ADGRL3: variants seen among roughly 807,000 people sequenced by gnomAD.
ADGRL3 encodes the protein adhesion G protein-coupled receptor L3, also known as calcium-independent alpha-latrotoxin receptor 3.
A neutral mutation model predicts 153.5 loss-of-function variants in ADGRL3; 62 were observed. The observed-to-expected ratio is 0.40, with a 90% confidence interval of 0.33 to 0.50. ADGRL3 has a LOEUF of 0.50. Among genes scored for constraint, ADGRL3 ranks in the 20% least tolerant of loss-of-function variants. The pLI, the probability that ADGRL3 is intolerant of heterozygous loss-of-function variation, is 0.47. For missense variants in ADGRL3, 1,641 were observed against 1,859.4 expected, an observed-to-expected ratio of 0.88 and a Z score of 2.16; for synonymous variants, 710 against 672.5, an observed-to-expected ratio of 1.06 and a Z score of -0.86.
intron 9 of ADGRL3, among the ~76,000 whole-genome samples, chr4:61,825,458 A>G (rs1488658167): frequency 1.3e-5 from 2 of 152,208 alleles, no homozygotes; most frequent in African/African-American, 2.4e-5. Context: ...AGATCAAATA[A>G]AAAAGTTCTC....
At position 61,388,482 on chromosome 4, in the gene ADGRL3, G is replaced by T. The variant is rs1240640912; in HGVS notation, c.-174+5293G>T. On this transcript the variant is annotated intron_variant, in intron 2 of 26. Transcript: ENST00000683033. ...GTAACATCATTCTCACAGAAGTTTGGGTTAATGGCTCCATTCTTACAGTTC... is the reference window on the plus strand; with the variant it reads ...GTAACATCATTCTCACAGAAGTTTGTGTTAATGGCTCCATTCTTACAGTTC... Among the ~76,000 whole-genome samples, 3 of 152,248 alleles carry T rather than the reference G, an allele frequency of 2.0e-5. No individual in the cohort carries two copies. The East Asian group carries it at 5.8e-4, about 29-fold the overall frequency.
chr4:61,216,727 C>A (rs1417516432), intron 1 of ADGRL3, among the ~76,000 whole-genome samples: 2 of 152,030 alleles, frequency 1.3e-5, no homozygotes, highest in South Asian at 2.1e-4. Flanking sequence ...GCAAAGGAGT[C>A]GTAAAAGCAT....
In ADGRL3 at chr4:61,775,735, G is replaced by A. The variant is rs2097140242; in HGVS notation, c.1400-38074G>A. The A allele has an allele frequency of 5.0e-6, 5 of 1,000,416 alleles. No individual in the cohort carries two copies. In the Admixed American group the frequency reaches 6.8e-5, roughly 14 times the overall value. 62.0% of individuals were successfully genotyped at this position (1,000,416 alleles called of 1,614,324 possible). A position where few individuals can be genotyped will look rare whatever the true frequency, so the allele number is the denominator to read the frequency against. On this transcript the variant is annotated intron_variant, in intron 8 of 26. Transcript: ENST00000683033. ...GGCTTGGTGCTTGTCTAAGCCTTTG[G>A]TAGCTTCATGAATTCCACGTGCTAG...
chr4:61,372,882 C>T (rs555873702), intron 1 of ADGRL3, among the ~76,000 whole-genome samples: 2 of 152,202 alleles, frequency 1.3e-5, no homozygotes, highest in Non-Finnish European at 1.5e-5. Context: ...ATCAGCGAGA[C>T]TCCGTGGGGC....
intron 2 of ADGRL3, among the ~76,000 whole-genome samples, chr4:61,416,250 AT>A (rs1389682774): frequency 6.6e-6 from 1 of 152,124 alleles, no homozygotes; most frequent in Non-Finnish European, 1.5e-5. Context: ...GGGGAAAAAA[AT>A]GATGGAAATC....
intron 22 of ADGRL3, among the ~76,000 whole-genome samples, chr4:62,029,944 TGTA>T (rs1721063619): frequency 6.6e-6 from 1 of 151,578 alleles, no homozygotes; most frequent in Non-Finnish European, 1.5e-5. Flanking sequence ...TGAATCCAGT[TGTA>T]GTATAAAATA....
At chr4:61,795,633 T>C (rs2097401144) in intron 8 of ADGRL3, among the ~76,000 whole-genome samples, 1 of 152,200 alleles carries the variant, frequency 6.6e-6, no homozygotes, top group Admixed American at 6.5e-5. Flanking sequence ...TCAACTACCG[T>C]CTGCAAATGA....
intron 2 of ADGRL3, among the ~76,000 whole-genome samples, chr4:61,458,943 A>G (rs992137038): frequency 6.6e-6 from 1 of 151,504 alleles, no homozygotes; most frequent in African/African-American, 2.4e-5. Flanking sequence ...TTAAAATATA[A>G]TCAATGAATG....
chr4:61,828,541 T>G (rs1199695951), intron 9 of ADGRL3, among the ~76,000 whole-genome samples: 1 of 152,176 alleles, frequency 6.6e-6, no homozygotes, highest in South Asian at 2.1e-4. Flanking sequence ...AAGCAAATCT[T>G]CAGAGTTTAA....
At chr4:61,706,740 G>T (rs557044261) in intron 6 of ADGRL3, among the ~76,000 whole-genome samples, 1 of 152,116 alleles carries the variant, frequency 6.6e-6, no homozygotes, top group African/African-American at 2.4e-5. Context: ...TGGCTCATTG[G>T]ATCTTCTATC....
intron 1 of ADGRL3, among the ~76,000 whole-genome samples, chr4:61,320,131 C>T (rs2095324421): frequency 6.6e-6 from 1 of 152,144 alleles, no homozygotes; most frequent in African/African-American, 2.4e-5. Context: ...TACCCCTCTT[C>T]TGGAAATGAA....
intron 21 of ADGRL3, among the ~76,000 whole-genome samples, chr4:62,016,621 G>A (rs372843679): frequency 6.6e-6 from 1 of 152,182 alleles, no homozygotes; most frequent in South Asian, 2.1e-4. Flanking sequence ...CTGGTAGGGC[G>A]AATCCTCCCA....
At chr4:61,935,872 T>C in intron 14 of ADGRL3, 51 bp from the exon 15 acceptor site, 2 of 1,506,118 alleles carry the variant, frequency 1.3e-6, no homozygotes, top group South Asian at 2.6e-5. Flanking sequence ...GAAATTATTG[T>C]AGCTTAGGTA....
At chr4:61,870,479 T>C (rs919330256) in intron 9 of ADGRL3, among the ~76,000 whole-genome samples, 3 of 152,106 alleles carry the variant, frequency 2.0e-5, no homozygotes, top group African/African-American at 7.2e-5. Context: ...TGAAAAACAA[T>C]TGTGCTTAAA....
chr4:61,318,677 A>G (rs1322634090), intron 1 of ADGRL3, among the ~76,000 whole-genome samples: 1 of 152,172 alleles, frequency 6.6e-6, no homozygotes, highest in Non-Finnish European at 1.5e-5. Context: ...GGTAAATGCC[A>G]TTAGAGACCT....
chr4:61,745,580 C>T (rs2096646194), intron 8 of ADGRL3, among the ~76,000 whole-genome samples: 1 of 152,142 alleles, frequency 6.6e-6, no homozygotes, highest in Non-Finnish European at 1.5e-5. Flanking sequence ...AAAGAATTTT[C>T]AACCCAGAAT....
intron 9 of ADGRL3, among the ~76,000 whole-genome samples, chr4:61,866,808 T>A (rs1462972642): frequency 6.6e-6 from 1 of 152,176 alleles, no homozygotes; most frequent in East Asian, 1.9e-4. Context: ...TCTGTTGTAA[T>A]TCTATTTTAA....
intron 13 of ADGRL3, among the ~76,000 whole-genome samples, chr4:61,932,747 A>T (rs2098822793): frequency 6.6e-6 from 1 of 152,060 alleles, no homozygotes. Context: ...GACTGGTGTT[A>T]ATTCTTCTTT....
intron 4 of ADGRL3, among the ~76,000 whole-genome samples, chr4:61,562,455 A>G (rs1052833019): frequency 3.9e-5 from 6 of 152,192 alleles, no homozygotes; most frequent in African/African-American, 1.4e-4. Flanking sequence ...TTCTTTCAAA[A>G]TTGAAGTCAG....
Sources: allele counts gnomAD v4.1 joint callset (sites outside exome capture counted in the v4.1 genomes callset), GRCh38; gene constraint gnomAD v4.1.1; transcripts MANE v1.5; gene names NCBI Gene and HGNC (gene_info 2026-07-23, HGNC 2026-07-21).